ADD1: variants seen among roughly 807,000 people sequenced by gnomAD.
ADD1 encodes alpha-adducin.
ADD1 carries 24 observed loss-of-function variants against 80.5 expected under a neutral mutation model. That is an observed-to-expected ratio of 0.30 (90% CI 0.22 to 0.42). ADD1 has a LOEUF of 0.42. Ranked by LOEUF, ADD1 falls within the 10% of genes least tolerant of loss-of-function variation. ADD1 has a pLI of 1.00. For missense variants in ADD1, 948 were observed against 1,019.0 expected (o/e 0.93, Z 0.95); for synonymous variants, 373 against 393.8 (o/e 0.95, Z 0.63).
rs551934782 is a variant in ADD1 at position 2,885,880 on chromosome 4, G to A, written c.510+1214G>A. Among the ~76,000 whole-genome samples, 202 of 152,206 alleles carry A rather than the reference G, an allele frequency of 1.3e-3. 1 individual carries two copies. In the South Asian group the frequency reaches 0.021, roughly 16 times the overall value. ...CCGCCTTGGCCTCCCAAAGTGCTGG[G>A]ATTACAGGCGTGAGCCACCCTGCCC... On this transcript the variant is annotated intron_variant, in intron 4 of 15. Transcript: ENST00000683351.
rs1204910697 is a variant in ADD1 at position 2,852,270 on chromosome 4, C to T, written c.-21+8246C>T. Among the ~76,000 whole-genome samples, 545 of 98,102 alleles carry T rather than the reference C, an allele frequency of 5.6e-3. 9 individuals carry two copies. The highest frequency in any genetic ancestry group is 7.7e-3 in the Non-Finnish European group (352 of 45,904). The allele number at this position is 98,102 out of a possible 152,430, so 64.4% of individuals were successfully genotyped here. Reference sequence around the variant, plus strand: ...TTCTCTTTCTTTCTTTCCTTCCTTCCTTCCTTCCTTCTTTTCTTTTCTTTT... The same window carrying T: ...TTCTCTTTCTTTCTTTCCTTCCTTCTTTCCTTCCTTCTTTTCTTTTCTTTT... On this transcript the variant is annotated intron_variant, in intron 1 of 15. Transcript: ENST00000683351.
intron 2 of ADD1, chr4:2,876,547 C>G (rs945775585): frequency 6.6e-6 from 1 of 152,552 alleles, no homozygotes; most frequent in Admixed American, 6.6e-5. Context: ...ATTAAAAATA[C>G]AAAAATTGGC....
chr4:2,904,188 A>G (rs77764848), intron 9 of ADD1, among the ~76,000 whole-genome samples: 1 of 151,890 alleles, frequency 6.6e-6, no homozygotes, highest in East Asian at 1.9e-4. Flanking sequence ...GCAAGTGTTC[A>G]GTTTGTTCAT....
chr4:2,896,215 G>GT lies in ADD1; in HGVS notation c.741+1494dup, dbSNP rs113594377. On this transcript the variant is annotated intron_variant, in intron 6 of 15. Transcript: ENST00000683351. ...TAATGCTGTATTTTAATTGATCTTG[G>GT]TTTTTTTTTTGGAGATGGAGTCTTG... Among the ~76,000 whole-genome samples, 546 of 144,246 alleles carry GT rather than the reference G, an allele frequency of 3.8e-3. 1 individual carries two copies. The highest frequency in any genetic ancestry group is 0.012 in the African/African-American group (462 of 39,368). 94.6% of individuals were successfully genotyped at this position (144,246 alleles called of 152,430 possible). A position where few individuals can be genotyped will look rare whatever the true frequency, so the allele number is the denominator to read the frequency against.
chr4:2,848,395 A>G (rs557782318), intron 1 of ADD1, among the ~76,000 whole-genome samples: 1 of 152,304 alleles, frequency 6.6e-6, no homozygotes, highest in South Asian at 2.1e-4. Context: ...ACCTTTTTAA[A>G]CAGTTGTTAT....
chr4:2,914,635 A>T (rs1738666792), intron 13 of ADD1: 2 of 395,526 alleles, frequency 5.1e-6, no homozygotes, highest in Non-Finnish European at 9.0e-6. Context: ...TTTGCTTCTG[A>T]AACCTGGAAG....
chr4:2,908,162 G>C (rs1267367069), intron 11 of ADD1, among the ~76,000 whole-genome samples: 1 of 152,274 alleles, frequency 6.6e-6, no homozygotes, highest in Non-Finnish European at 1.5e-5. Flanking sequence ...TCAAAGACTT[G>C]TGAGTGGCAT....
At chr4:2,901,462 A>G (rs569360934) in intron 9 of ADD1, 2 of 152,364 alleles carry the variant, frequency 1.3e-5, no homozygotes, top group African/African-American at 4.8e-5. Flanking sequence ...CATTACAAAA[A>G]GCATGATGAA....
chr4:2,874,872 A>G (rs1731028574), intron 1 of ADD1, among the ~76,000 whole-genome samples: 1 of 152,096 alleles, frequency 6.6e-6, no homozygotes, highest in African/African-American at 2.4e-5. Flanking sequence ...TTCAGGCCCC[A>G]CTCCAGACCT....
intron 13 of ADD1, among the ~76,000 whole-genome samples, chr4:2,910,780 G>A (rs914095288): frequency 6.6e-6 from 1 of 152,158 alleles, no homozygotes; most frequent in Admixed American, 6.5e-5. Flanking sequence ...GGTAGGGTCC[G>A]TACCTTCTGA....
At chr4:2,846,906 A>G (rs185767694) in intron 1 of ADD1, among the ~76,000 whole-genome samples, 2 of 151,806 alleles carry the variant, frequency 1.3e-5, no homozygotes, top group African/African-American at 2.4e-5. Context: ...TCATGAGGTC[A>G]GGAGATCGAG....
At chr4:2,909,545 ATCTTTAACC>A in intron 13 of ADD1, 114 bp downstream of exon 13, 1 of 721,490 alleles carries the variant, frequency 1.4e-6, no homozygotes, top group Non-Finnish European at 2.3e-6. Context: ...CTTCAAATGG[ATCTTTAACC>A]TGTTTGTGAG....
chr4:2,898,804 A>C (rs923352775), intron 8 of ADD1: 3 of 460,746 alleles, frequency 6.5e-6, no homozygotes, highest in African/African-American at 3.9e-5. Context: ...TAGGCCTGGC[A>C]TCAGGTGCTT....
At chr4:2,914,521 G>A (rs1298366045) in intron 13 of ADD1, among the ~76,000 whole-genome samples, 2 of 152,208 alleles carry the variant, frequency 1.3e-5, no homozygotes, top group Non-Finnish European at 2.9e-5. Context: ...AAAACTTACT[G>A]ACTTTTAAAC....
At chr4:2,905,914 C>T (rs1264305703) in intron 10 of ADD1, among the ~76,000 whole-genome samples, 1 of 152,168 alleles carries the variant, frequency 6.6e-6, no homozygotes, top group Non-Finnish European at 1.5e-5. Flanking sequence ...TCTAACAGTC[C>T]ACCCAGCTCT....
Position 2,853,396 on chromosome 4 carries a change from C to T in ADD1, c.-21+9372C>T, listed in dbSNP as rs543958826. Among the ~76,000 whole-genome samples, 9 of 152,092 alleles carry T rather than the reference C, an allele frequency of 5.9e-5. No homozygotes were observed. In the South Asian group the frequency reaches 1.2e-3, roughly 21 times the overall value. ...TGCTGGGATTACAGGTGTGAGCCACCGGCGTCTTTTTCTAGTATAAGTGTT... is the reference window on the plus strand; with the variant it reads ...TGCTGGGATTACAGGTGTGAGCCACTGGCGTCTTTTTCTAGTATAAGTGTT... On this transcript the variant is annotated intron_variant, in intron 1 of 15. Coordinates refer to ENST00000683351, the MANE Select transcript of ADD1 (RefSeq NM_001354761.2).
chr4:2,893,097 T>C (rs775038030), intron 4 of ADD1, among the ~76,000 whole-genome samples: 3 of 151,844 alleles, frequency 2.0e-5, no homozygotes, highest in Non-Finnish European at 4.4e-5. Flanking sequence ...GTCTATTTTA[T>C]TTTATTTTTT....
At position 2,910,681 on chromosome 4, in the gene ADD1, C is replaced by A. The variant is rs142700147; in HGVS notation, c.1791+1250C>A. On this transcript the variant is annotated intron_variant, in intron 13 of 15. Coordinates refer to ENST00000683351, the MANE Select transcript of ADD1 (RefSeq NM_001354761.2). ...AAGCAGCCTGGGTCGCCGTGTTCAA[C>A]CACCAGTTACAGCTTTGTGTGCTCT... Among the ~76,000 whole-genome samples the A allele has an allele frequency of 1.1e-3, 167 of 152,300 alleles. 1 individual carries two copies. Among genetic ancestry groups the A allele is most frequent in the Admixed American group, 3.6e-3 (55 of 15,306 alleles).
chr4:2,910,615 A>C (rs1013858386), intron 13 of ADD1, among the ~76,000 whole-genome samples: 6 of 151,426 alleles, frequency 4.0e-5, no homozygotes, highest in African/African-American at 1.5e-4. Context: ...TGTAGAGCCC[A>C]CGTGAGGGCA....
Sources: allele counts gnomAD v4.1 joint callset (sites outside exome capture counted in the v4.1 genomes callset), GRCh38; gene constraint gnomAD v4.1.1; transcripts MANE v1.5; gene names NCBI Gene and HGNC (gene_info 2026-07-23, HGNC 2026-07-21).